Variants in TRDN observed in about 807,000 individuals in gnomAD.
TRDN encodes triadin, also known as triadin in skeletal muscle.
Under a neutral mutation model 149.7 loss-of-function variants are expected in TRDN, and 161 were observed. The ratio of observed to expected loss-of-function variants is 1.08; its 90% CI spans 0.95 to 1.23. The LOEUF (loss-of-function observed/expected upper bound fraction) is 1.23. Ranked by LOEUF, TRDN falls within the 50% of genes most tolerant of loss-of-function variation. The probability of loss-of-function intolerance (pLI) is 0.00; values close to 1 mark genes in which losing one functional copy is unlikely to be tolerated. For missense variants in TRDN, 896 were observed against 823.5 expected (o/e 1.09, Z -1.08); for synonymous variants, 294 against 250.5 (o/e 1.17, Z -1.64).
chr6:123,275,098 T>C (rs778924479), intron 26 of TRDN, among the ~76,000 whole-genome samples: 6 of 152,226 alleles, frequency 3.9e-5, no homozygotes, highest in Non-Finnish European at 8.8e-5. Flanking sequence ...ATAGATCTAA[T>C]TGGGTACTTA....
chr6:123,345,483 T>G (rs1780214993), intron 21 of TRDN, among the ~76,000 whole-genome samples: 1 of 152,068 alleles, frequency 6.6e-6, no homozygotes, highest in Admixed American at 6.6e-5. Flanking sequence ...GTTGTGAAGT[T>G]CAGTAGTGTC....
chr6:123,563,812 T>C (rs1353858871), intron 2 of TRDN, among the ~76,000 whole-genome samples: 1 of 152,210 alleles, frequency 6.6e-6, no homozygotes, highest in Non-Finnish European at 1.5e-5. Context: ...GTTTTTGTTT[T>C]TGTTTTTGTT....
intron 7 of TRDN, among the ~76,000 whole-genome samples, chr6:123,507,099 T>A (rs1778963187): frequency 6.6e-6 from 1 of 152,114 alleles, no homozygotes; most frequent in Non-Finnish European, 1.5e-5. Context: ...AATATAGTGA[T>A]ATAGAGACTG....
At chr6:123,301,003 TGTGTGCCA>T (rs1236109150) in intron 24 of TRDN, among the ~76,000 whole-genome samples, 1 of 151,986 alleles carries the variant, frequency 6.6e-6, no homozygotes, top group East Asian at 1.9e-4. Context: ...GGGCTCTTAT[TGTGTGCCA>T]GGAACTGTTC....
intron 1 of TRDN, among the ~76,000 whole-genome samples, chr6:123,601,711 T>G (rs1784289059): frequency 6.6e-6 from 1 of 152,172 alleles, no homozygotes. Context: ...CCAGTTTTGA[T>G]CTACATGAAC....
intron 19 of TRDN, among the ~76,000 whole-genome samples, chr6:123,367,247 T>G (rs1373476155): frequency 6.6e-6 from 1 of 152,002 alleles, no homozygotes; most frequent in East Asian, 1.9e-4. Context: ...TTTCACGAAG[T>G]CTTATTTCCT....
At chr6:123,271,298 G>C in intron 29 of TRDN, 112 bp from the exon 30 acceptor site, 1 of 645,908 alleles carries the variant, frequency 1.5e-6, no homozygotes, top group Non-Finnish European at 2.5e-6. Flanking sequence ...AGAAAAACTT[G>C]TTGCCTCAAT....
At chr6:123,459,906 G>A (rs370912612) in intron 10 of TRDN, among the ~76,000 whole-genome samples, 13 of 152,032 alleles carry the variant, frequency 8.6e-5, no homozygotes, top group African/African-American at 2.2e-4. Context: ...TGATTTCTCC[G>A]ATCTTCTCTT....
rs1778487507 is a variant in TRDN at position 123,497,237 on chromosome 6, C to T, written c.809G>A (p.Cys270Tyr). 4 of 1,553,816 alleles carry T rather than the reference C, an allele frequency of 2.6e-6. No homozygotes were observed. The highest frequency in any genetic ancestry group is 3.5e-6 in the Non-Finnish European group (4 of 1,151,068). The change falls in exon 9 of 41, where the codon TGT becomes TAT. Residue 270 changes from cysteine (C) to tyrosine (Y), a missense_variant. Transcript: ENST00000334268. ...KHEQKDQYAF[C>Y]RYMIDIFVHG... ...GACAAATATGTCAATCATATATCGA[C>T]AGAATGCATACTGATCTGACAGAGT...
intron 1 of TRDN, among the ~76,000 whole-genome samples, chr6:123,575,094 T>C (rs1308341886): frequency 6.6e-6 from 1 of 151,700 alleles, no homozygotes; most frequent in African/African-American, 2.4e-5. Context: ...AATACTGTTA[T>C]GTTTTTCATT....
At chr6:123,443,958 C>T (rs983570219) in intron 10 of TRDN, among the ~76,000 whole-genome samples, 7 of 150,840 alleles carry the variant, frequency 4.6e-5, no homozygotes, top group Non-Finnish European at 1.0e-4. Flanking sequence ...TAGTGTGATG[C>T]CTCCAGCTTT....
chr6:123,361,067 A>G (rs1780881343), intron 20 of TRDN, among the ~76,000 whole-genome samples: 1 of 152,176 alleles, frequency 6.6e-6, no homozygotes, highest in Non-Finnish European at 1.5e-5. Context: ...TTATAGTAGA[A>G]TGATTTATAA....
At chr6:123,608,247 T>C (rs1026007515) in intron 1 of TRDN, among the ~76,000 whole-genome samples, 12 of 152,170 alleles carry the variant, frequency 7.9e-5, no homozygotes, top group African/African-American at 2.9e-4. Flanking sequence ...TTTAAGTTCC[T>C]TATCTTTAAG....
At chr6:123,334,445 C>T (rs187631996) in intron 22 of TRDN, among the ~76,000 whole-genome samples, 35 of 152,056 alleles carry the variant, frequency 2.3e-4, no homozygotes, top group Non-Finnish European at 4.1e-4. Flanking sequence ...TTTCTCAGTC[C>T]GTAGGTGAAT....
At chr6:123,301,768 T>C (rs9482377) in intron 24 of TRDN, among the ~76,000 whole-genome samples, 11,932 of 90,196 alleles carry the variant, frequency 0.13, 1,653 homozygotes, top group African/African-American at 0.31. Context: ...TATATATATA[T>C]ACATATATAT....
chr6:123,416,098 C>A (rs1399275776), intron 12 of TRDN, among the ~76,000 whole-genome samples: 1 of 152,160 alleles, frequency 6.6e-6, no homozygotes, highest in Non-Finnish European at 1.5e-5. Context: ...AATTCAGTGA[C>A]AGCAGTGTCA....
At chr6:123,634,413 T>C (rs766645897) in intron 1 of TRDN, among the ~76,000 whole-genome samples, 2 of 151,482 alleles carry the variant, frequency 1.3e-5, no homozygotes, top group African/African-American at 2.4e-5. Context: ...TGCATTCCAA[T>C]ATGGGTGACA....
In TRDN at chr6:123,252,399, A is replaced by G. The variant is rs1400241408; in HGVS notation, c.1975+13T>C. 5 of 1,499,152 alleles carry G rather than the reference A, an allele frequency of 3.3e-6. No homozygotes were observed. The highest frequency in any genetic ancestry group is 1.7e-4 in the Middle Eastern group (1 of 5,752). The allele number at this position is 1,499,152 out of a possible 1,614,324, so 92.9% of individuals were successfully genotyped here. A position where few individuals can be genotyped will look rare whatever the true frequency, so the allele number is the denominator to read the frequency against. On this transcript the variant is annotated intron_variant, in intron 38 of 40. Coordinates refer to ENST00000334268, the MANE Select transcript of TRDN (RefSeq NM_006073.4). Reference sequence around the variant, plus strand: ...ATCAAAGAGAACTTGTCATTAATACAAACCGTACTTACTTGATACTCTTGC... The same window carrying G: ...ATCAAAGAGAACTTGTCATTAATACGAACCGTACTTACTTGATACTCTTGC...
chr6:123,311,141 G>T (rs1778802923), intron 24 of TRDN, among the ~76,000 whole-genome samples: 1 of 151,942 alleles, frequency 6.6e-6, no homozygotes, highest in Admixed American at 6.6e-5. Flanking sequence ...TCGCATGGCT[G>T]GGGAGACCTC....
Sources: allele counts gnomAD v4.1 joint callset (sites outside exome capture counted in the v4.1 genomes callset), GRCh38; gene constraint gnomAD v4.1.1; transcripts MANE v1.5; gene names NCBI Gene and HGNC (gene_info 2026-07-23, HGNC 2026-07-21).